The following MCPH1 variants were observed in gnomAD, a reference collection of about 807,000 sequenced individuals.
MCPH1 encodes microcephalin.
A neutral mutation model predicts 84.5 loss-of-function variants in MCPH1; 104 were observed. The ratio of observed to expected loss-of-function variants is 1.23; its 90% CI spans 1.05 to 1.45. The LOEUF (loss-of-function observed/expected upper bound fraction) is 1.45, where lower values mean the gene tolerates loss of function less well. Among genes scored for constraint, MCPH1 ranks in the 40% most tolerant of loss-of-function variants. The probability of loss-of-function intolerance (pLI) is 0.00; values close to 1 mark genes in which losing one functional copy is unlikely to be tolerated. For synonymous variants in MCPH1, 514 were observed against 366.8 expected, an observed-to-expected ratio of 1.40 and a Z score of -4.58; for missense variants, 1,498 against 1,005.7, an observed-to-expected ratio of 1.49 and a Z score of -6.62.
At chr8:6,491,491 A>G (rs1351138379) in intron 11 of MCPH1, among the ~76,000 whole-genome samples, 2 of 139,360 alleles carry the variant, frequency 1.4e-5, no homozygotes, top group Non-Finnish European at 3.1e-5. Context: ...TTTTTTTATT[A>G]TACTTTAAGT....
rs558256005 is a variant in MCPH1 at position 6,562,266 on chromosome 8, T to G, written c.2215-59188T>G. 2.2e-4 allele frequency among the ~76,000 whole-genome samples: 34 copies of G among 152,268 alleles called. 7 individuals are homozygous for G. Among genetic ancestry groups the G allele is most frequent in the African/African-American group, 8.2e-4 (34 of 41,556 alleles). On this transcript the variant is annotated intron_variant, in intron 12 of 13. Coordinates refer to ENST00000344683, the MANE Select transcript of MCPH1 (RefSeq NM_024596.5). ...CTGCGGCTCACAGCCTTCCCTCACT[T>G]GCCTGCAACCAGCTGAGAGCCTCCC...
intron 1 of MCPH1, among the ~76,000 whole-genome samples, chr8:6,408,434 C>T (rs542391132): frequency 6.6e-6 from 1 of 152,104 alleles, no homozygotes; most frequent in African/African-American, 2.4e-5. Flanking sequence ...GTTGCCTAGG[C>T]TGGTCTTGAA....
chr8:6,410,384 G>T (rs1334364523), intron 2 of MCPH1, among the ~76,000 whole-genome samples: 2 of 152,116 alleles, frequency 1.3e-5, no homozygotes, highest in Admixed American at 6.6e-5. Context: ...ATGTACTTTG[G>T]ATTTGAACAC....
At chr8:6,449,639 G>GA (rs112855191) in intron 8 of MCPH1, among the ~76,000 whole-genome samples, 2,075 of 132,886 alleles carry the variant, frequency 0.016, 42 homozygotes, top group African/African-American at 0.049. Flanking sequence ...GTCTCAAAAA[G>GA]AAAAAAAAAA....
intron 12 of MCPH1, among the ~76,000 whole-genome samples, chr8:6,610,181 T>C (rs1830142283): frequency 6.6e-6 from 1 of 152,212 alleles, no homozygotes; most frequent in Non-Finnish European, 1.5e-5. Flanking sequence ...ATGCTTCTGG[T>C]TCTCTTAAAT....
At chr8:6,459,035 G>C (rs1805993077) in intron 9 of MCPH1, among the ~76,000 whole-genome samples, 1 of 152,174 alleles carries the variant, frequency 6.6e-6, no homozygotes, top group Non-Finnish European at 1.5e-5. Context: ...TTGATATGTG[G>C]TAATGAGTCC....
At chr8:6,520,524 C>T (rs1187943345) in intron 12 of MCPH1, among the ~76,000 whole-genome samples, 2 of 152,010 alleles carry the variant, frequency 1.3e-5, no homozygotes, top group African/African-American at 2.4e-5. Flanking sequence ...GCCTCCCAAG[C>T]AGCTGGGATT....
At chr8:6,447,151 C>G in intron 8 of MCPH1, 1 of 985,424 alleles carries the variant, frequency 1.0e-6, no homozygotes, top group Non-Finnish European at 1.2e-6. Context: ...TACATGTTGG[C>G]TAGCCTAAAT....
intron 13 of MCPH1, among the ~76,000 whole-genome samples, chr8:6,630,002 G>T (rs1048119785): frequency 9.2e-5 from 14 of 152,296 alleles, no homozygotes; most frequent in African/African-American, 3.4e-4. Flanking sequence ...TCCCCAGTTT[G>T]GAGCAAGAGA....
chr8:6,446,421 A>G, intron 8 of MCPH1: 1 of 985,364 alleles, frequency 1.0e-6, no homozygotes, highest in Non-Finnish European at 1.2e-6. Flanking sequence ...AGCGTTTGAA[A>G]TCATCACAGA....
intron 11 of MCPH1, among the ~76,000 whole-genome samples, chr8:6,486,282 C>G (rs904298489): frequency 3.6e-4 from 55 of 151,982 alleles, no homozygotes; most frequent in Admixed American, 2.5e-3. Flanking sequence ...CTCTCTCTCT[C>G]TCTCTCTCTC....
chr8:6,613,449 G>T (rs544365860), intron 12 of MCPH1, among the ~76,000 whole-genome samples: 26 of 152,306 alleles, frequency 1.7e-4, no homozygotes, highest in Non-Finnish European at 2.9e-4. Context: ...GGAGTCACGG[G>T]GGGGTGGTGG....
intron 9 of MCPH1, among the ~76,000 whole-genome samples, chr8:6,470,691 C>T (rs973172133): frequency 5.3e-5 from 8 of 152,228 alleles, no homozygotes; most frequent in Non-Finnish European, 8.8e-5. Flanking sequence ...CTCATGAATA[C>T]ACATAAACTT....
In MCPH1 at chr8:6,496,732, A is replaced by G. The variant is rs10093858; in HGVS notation, c.2137-3120A>G. On this transcript the variant is annotated intron_variant, in intron 11 of 13. Transcript: ENST00000344683. ...TATCAAAAATTGTGAATGTTAATAA[A>G]TGTTTTCAACACAATCGTTAATGCT... Among the ~76,000 whole-genome samples the G allele has an allele frequency of 3.5e-3, 533 of 152,272 alleles. 7 individuals are homozygous for G. Among genetic ancestry groups the G allele is most frequent in the African/African-American group, 0.011 (452 of 41,542 alleles).
At chr8:6,595,609 C>T (rs916568907) in intron 12 of MCPH1, among the ~76,000 whole-genome samples, 8 of 152,190 alleles carry the variant, frequency 5.3e-5, no homozygotes, top group Admixed American at 3.9e-4. Flanking sequence ...GTGAAGAGTG[C>T]ATGGTCCAAC....
chr8:6,627,044 G>A (rs1442931692), intron 13 of MCPH1: 3 of 985,068 alleles, frequency 3.0e-6, no homozygotes, highest in Non-Finnish European at 3.6e-6. Context: ...AGAAAATTTG[G>A]TTTGAACATG....
intron 5 of MCPH1, among the ~76,000 whole-genome samples, chr8:6,437,223 G>T (rs1802781618): frequency 6.6e-6 from 1 of 151,926 alleles, no homozygotes; most frequent in South Asian, 2.1e-4. Flanking sequence ...AAATAGAATT[G>T]TCGAGATTTA....
rs140161935 is a variant in MCPH1 at position 6,442,038 on chromosome 8, C to A, written c.581-29C>A. The A allele has an allele frequency of 0.014, 20,186 of 1,480,544 alleles. 186 individuals are homozygous for A. Among genetic ancestry groups the A allele is most frequent in the Non-Finnish European group, 0.017 (17,957 of 1,058,686 alleles). The allele number at this position is 1,480,544 out of a possible 1,614,324, so 91.7% of individuals were successfully genotyped here. A position where few individuals can be genotyped will look rare whatever the true frequency, so the allele number is the denominator to read the frequency against. ...CTGCTAAGAAATACTGAAACTTTAT[C>A]TAATGCAGTGTCTTGGTCCTGTTTT... On this transcript the variant is annotated intron_variant, in intron 6 of 13. Transcript: ENST00000344683.
chr8:6,593,410 A>G (rs888738616), intron 12 of MCPH1, among the ~76,000 whole-genome samples: 1 of 150,832 alleles, frequency 6.6e-6, no homozygotes, highest in Non-Finnish European at 1.5e-5. Context: ...GCTGCAGTGC[A>G]ATGGCGCGAT....
Sources: gnomAD v4.1 joint callset for allele counts (sites outside exome capture counted in the v4.1 genomes callset) on GRCh38, gnomAD v4.1.1 for gene constraint, MANE v1.5 for transcripts, NCBI Gene and HGNC (gene_info 2026-07-23, HGNC 2026-07-21) for gene names.